The following MIPEP variants were observed in gnomAD, a reference collection of about 807,000 sequenced individuals.
The protein encoded by MIPEP is mitochondrial intermediate peptidase.
In MIPEP, 79 loss-of-function variants were observed where a neutral mutation model predicts 90.3. The ratio of observed to expected loss-of-function variants is 0.87; its 90% CI spans 0.73 to 1.05. The LOEUF (loss-of-function observed/expected upper bound fraction) is 1.05, where lower values mean the gene tolerates loss of function less well. Ranked by LOEUF, MIPEP falls within the 50% of genes least tolerant of loss-of-function variation. The probability of loss-of-function intolerance (pLI) is 0.00; values close to 1 mark genes in which losing one functional copy is unlikely to be tolerated. For missense variants in MIPEP, 940 were observed against 905.6 expected, an observed-to-expected ratio of 1.04 and a Z score of -0.49; for synonymous variants, 334 against 315.8, an observed-to-expected ratio of 1.06 and a Z score of -0.61.
At chr13:23,798,534 T>C (rs955747744) in intron 16 of MIPEP, among the ~76,000 whole-genome samples, 3 of 152,144 alleles carry the variant, frequency 2.0e-5, no homozygotes, top group African/African-American at 7.2e-5. Flanking sequence ...TCCCCCGATA[T>C]AGTCTAGATA....
intron 10 of MIPEP, among the ~76,000 whole-genome samples, chr13:23,842,795 C>T (rs544069146): frequency 6.6e-6 from 1 of 152,066 alleles, no homozygotes; most frequent in African/African-American, 2.4e-5. Context: ...GAAAGCTTCT[C>T]GGATAGGAAT....
intron 18 of MIPEP, among the ~76,000 whole-genome samples, chr13:23,733,414 C>T (rs577064737): frequency 1.3e-5 from 2 of 152,162 alleles, no homozygotes; most frequent in East Asian, 3.9e-4. Flanking sequence ...CATGAGAGGT[C>T]CCAGGGCTCT....
intron 14 of MIPEP, among the ~76,000 whole-genome samples, chr13:23,824,116 T>C (rs1322988080): frequency 6.6e-6 from 1 of 152,178 alleles, no homozygotes; most frequent in African/African-American, 2.4e-5. Flanking sequence ...CACCAAAAAA[T>C]ACAAATGTTT....
At chr13:23,783,992 G>C (rs1044047220) in intron 16 of MIPEP, among the ~76,000 whole-genome samples, 1 of 152,088 alleles carries the variant, frequency 6.6e-6, no homozygotes, top group Non-Finnish European at 1.5e-5. Flanking sequence ...CTCATGGATA[G>C]GAAGAATCAA....
At chr13:23,878,468 G>A (rs764824723) in intron 4 of MIPEP, among the ~76,000 whole-genome samples, 1 of 152,140 alleles carries the variant, frequency 6.6e-6, no homozygotes, top group South Asian at 2.1e-4. Flanking sequence ...GCCACATATG[G>A]AGACAAAATA....
chr13:23,869,980 A>T (rs1870711289), intron 6 of MIPEP, 33 bp downstream of exon 6: 2 of 1,506,214 alleles, frequency 1.3e-6, no homozygotes, highest in African/African-American at 2.8e-5. Context: ...CACAAATGGG[A>T]CCTAAACAAC....
At chr13:23,886,050 T>C (rs1871466007) in intron 2 of MIPEP, among the ~76,000 whole-genome samples, 1 of 151,958 alleles carries the variant, frequency 6.6e-6, no homozygotes, top group Admixed American at 6.6e-5. Flanking sequence ...TACCCAAATA[T>C]AGCAAATATT....
intron 18 of MIPEP, among the ~76,000 whole-genome samples, chr13:23,742,065 C>G (rs1489367460): frequency 1.3e-5 from 2 of 152,190 alleles, no homozygotes; most frequent in Non-Finnish European, 2.9e-5. Context: ...AGCAGAGCAG[C>G]TATTCGAATG....
chr13:23,876,662 C>T (rs918634355), intron 4 of MIPEP, among the ~76,000 whole-genome samples: 1 of 151,636 alleles, frequency 6.6e-6, no homozygotes, highest in African/African-American at 2.4e-5. Context: ...AACTCTTTGT[C>T]ATATCAGAAC....
At chr13:23,778,256 T>C (rs1297770163) in intron 16 of MIPEP, among the ~76,000 whole-genome samples, 3 of 152,168 alleles carry the variant, frequency 2.0e-5, no homozygotes, top group East Asian at 1.9e-4. Context: ...AAAAGAATGA[T>C]TGCATCATCA....
At chr13:23,852,486 G>A (rs915432752) in intron 10 of MIPEP, among the ~76,000 whole-genome samples, 8 of 152,170 alleles carry the variant, frequency 5.3e-5, no homozygotes, top group African/African-American at 1.4e-4. Flanking sequence ...GGTCCCTTGA[G>A]ATGATAATGG....
At chr13:23,841,240 G>C (rs1869281103) in intron 11 of MIPEP, 95 bp downstream of exon 11, 2 of 1,165,026 alleles carry the variant, frequency 1.7e-6, no homozygotes, top group Non-Finnish European at 2.4e-6. Context: ...CACTCAGTCA[G>C]GGCAAAGTTG....
At chr13:23,746,202 T>C (rs1364447173) in intron 18 of MIPEP, among the ~76,000 whole-genome samples, 4 of 151,138 alleles carry the variant, frequency 2.6e-5, no homozygotes, top group South Asian at 4.2e-4. Flanking sequence ...TTAGTACAGA[T>C]GGAGTTTCAC....
intron 17 of MIPEP, among the ~76,000 whole-genome samples, chr13:23,758,095 C>T (rs532714553): frequency 9.2e-5 from 14 of 152,254 alleles, no homozygotes; most frequent in East Asian, 7.7e-4. Flanking sequence ...GAGTGCTAAG[C>T]GAAGCAGGAA....
At chr13:23,818,520 G>A (rs1385751994) in intron 14 of MIPEP, among the ~76,000 whole-genome samples, 2 of 152,082 alleles carry the variant, frequency 1.3e-5, no homozygotes, top group African/African-American at 4.8e-5. Context: ...GGCAGTCCCT[G>A]GAACCAGAAT....
At chr13:23,880,837 G>A (rs1252872736) in intron 3 of MIPEP, among the ~76,000 whole-genome samples, 3 of 152,180 alleles carry the variant, frequency 2.0e-5, no homozygotes, top group Non-Finnish European at 2.9e-5. Context: ...AGGAAGCCTC[G>A]TCTAACCAGA....
At chr13:23,845,156 CAAT>C (rs1319504769) in intron 10 of MIPEP, among the ~76,000 whole-genome samples, 1 of 152,066 alleles carries the variant, frequency 6.6e-6, no homozygotes, top group African/African-American at 2.4e-5. Flanking sequence ...AAAAATATAT[CAAT>C]GATATGTATT....
intron 16 of MIPEP, among the ~76,000 whole-genome samples, chr13:23,771,800 C>T (rs1014600337): frequency 6.6e-6 from 1 of 152,146 alleles, no homozygotes; most frequent in East Asian, 1.9e-4. Flanking sequence ...AAATGATTCA[C>T]TCAACTTCCT....
At position 23,803,656 on chromosome 13, in the gene MIPEP, A is replaced by G. The variant is rs1028966783; in HGVS notation, c.1848+2294T>C. 1.3e-5 allele frequency among the ~76,000 whole-genome samples: 2 copies of G among 152,134 alleles called. 1 individual carries two copies. Among genetic ancestry groups the G allele is most frequent in the African/African-American group, 4.8e-5 (2 of 41,412 alleles). On this transcript the variant is annotated intron_variant, in intron 16 of 18. Transcript: ENST00000382172. ...TTGGGCTCTTGCTCCTGTTTCACTG[A>G]TATCTGTGCATCCCTACACCAGTGT...
Sources: gnomAD v4.1 joint callset for allele counts (sites outside exome capture counted in the v4.1 genomes callset) on GRCh38, gnomAD v4.1.1 for gene constraint, MANE v1.5 for transcripts, NCBI Gene and HGNC (gene_info 2026-07-23, HGNC 2026-07-21) for gene names.